The following UFSP2 variants were observed in gnomAD, a reference collection of about 807,000 sequenced individuals.
UFSP2 encodes ufm1-specific protease 2.
Under a neutral mutation model 60.2 loss-of-function variants are expected in UFSP2, and 43 were observed. The observed-to-expected ratio is 0.71, with a 90% CI of 0.56 to 0.92. The LOEUF (loss-of-function observed/expected upper bound fraction) is 0.92. Among genes scored for constraint, UFSP2 ranks in the 40% least tolerant of loss-of-function variants. UFSP2 has a pLI of 0.00. For synonymous variants in UFSP2, 183 were observed against 195.1 expected (o/e 0.94, Z 0.52); for missense variants, 520 against 575.0 (o/e 0.90, Z 0.98).
chr4:185,415,405 A>G, intron 5 of UFSP2, 58 bp from the exon 6 acceptor site: 1 of 1,397,964 alleles, frequency 7.2e-7, no homozygotes, highest in South Asian at 1.5e-5. Flanking sequence ...CAATAAAGAA[A>G]AGTACAGAGC....
At chr4:185,411,101 G>A (rs1254375265) in intron 7 of UFSP2, among the ~76,000 whole-genome samples, 1 of 147,922 alleles carries the variant, frequency 6.8e-6, no homozygotes, top group Non-Finnish European at 1.5e-5. Flanking sequence ...ATAATAGAGG[G>A]GGCCAACAAA....
chr4:185,422,113 T>C (rs935793233), intron 2 of UFSP2, among the ~76,000 whole-genome samples: 1 of 152,192 alleles, frequency 6.6e-6, no homozygotes, highest in Non-Finnish European at 1.5e-5. Flanking sequence ...CCATATAATG[T>C]AGTATTTAAG....
intron 9 of UFSP2, among the ~76,000 whole-genome samples, chr4:185,406,972 T>C (rs1561109786): frequency 1.3e-5 from 2 of 151,878 alleles, no homozygotes; most frequent in African/African-American, 4.8e-5. Context: ...ACGATGTTAC[T>C]GTAATTAACA....
chr4:185,418,613 A>G lies in UFSP2; in HGVS notation c.240T>C (p.Ala80=), dbSNP rs1436595510. ...TIPGELTDAS[A]CKNILRFIQF... The stretch of plus-strand genomic sequence containing the variant: ...GAATAAAGCGCAGTATGTTCTTACA[A>G]GCAGAAGCATCAGTCAGTTCTCCAG... The change falls in exon 3 of 12, where the codon GCT becomes GCC. Residue 80 remains alanine (A), a synonymous_variant. Transcript: ENST00000264689. 2 of 1,613,554 alleles carry G rather than the reference A, an allele frequency of 1.2e-6. No homozygotes were observed.
chr4:185,410,430 C>T (rs1158636043), intron 7 of UFSP2, among the ~76,000 whole-genome samples: 1 of 149,404 alleles, frequency 6.7e-6, no homozygotes, highest in African/African-American at 2.5e-5. Flanking sequence ...GGGTAGATCA[C>T]CTAAAGTCAG....
At position 185,410,723 on chromosome 4, in the gene UFSP2, G is replaced by C. The variant is rs1404037754; in HGVS notation, c.832-2288C>G. ...GCACTTTGGGAGGCTGAGGCAGGCA[G>C]ATCACGAGGTCAGGAGTTTGAGACC... On this transcript the variant is annotated intron_variant, in intron 7 of 11. Transcript: ENST00000264689. 2.0e-5 allele frequency among the ~76,000 whole-genome samples: 3 copies of C among 151,596 alleles called. No homozygotes were observed. The East Asian group carries it at 5.9e-4, about 30-fold the overall frequency.
intron 2 of UFSP2, among the ~76,000 whole-genome samples, chr4:185,419,181 G>C (rs1415039525): frequency 6.6e-6 from 1 of 151,870 alleles, no homozygotes; most frequent in African/African-American, 2.4e-5. Context: ...GCCCAGGCTG[G>C]AGTGCAGTGG....
chr4:185,418,920 T>A (rs935936813), intron 2 of UFSP2, 150 bp from the exon 3 acceptor site: 3 of 623,638 alleles, frequency 4.8e-6, no homozygotes, highest in Non-Finnish European at 7.7e-6. Context: ...CCTATCTTTT[T>A]AAAAAAGTCT....
intron 2 of UFSP2, 101 bp from the exon 3 acceptor site, chr4:185,418,871 C>T: frequency 5.7e-6 from 5 of 884,890 alleles, no homozygotes; most frequent in African/African-American, 1.7e-5. Flanking sequence ...ACTCTCAATA[C>T]CTATTCCCCA....
chr4:185,414,251 A>T (rs2095534470), intron 6 of UFSP2, among the ~76,000 whole-genome samples: 1 of 152,212 alleles, frequency 6.6e-6, no homozygotes, highest in Non-Finnish European at 1.5e-5. Flanking sequence ...ATTATATCAA[A>T]GTATTTTGCA....
chr4:185,415,213 A>G lies in UFSP2; in HGVS notation c.626T>C (p.Leu209Pro), dbSNP rs1266831486. ...LHFLLPGKKN[L>P]VTISYPSGIP... Reference sequence around the variant, plus strand: ...TCCTGAAGGATATGAAATTGTTACAAGATTTTTTTTCCCTGGTAATAAAAA... The same window carrying G: ...TCCTGAAGGATATGAAATTGTTACAGGATTTTTTTTCCCTGGTAATAAAAA... Residue 209 changes from leucine to proline, a missense_variant, in exon 6 of 12, where the codon CTT becomes CCT. Transcript: ENST00000264689. 1 of 1,607,600 alleles carries G rather than the reference A, an allele frequency of 6.2e-7. No homozygotes were observed. Among genetic ancestry groups the G allele is most frequent in the Non-Finnish European group, 8.5e-7 (1 of 1,178,780 alleles).
chr4:185,405,712 A>G, intron 10 of UFSP2, 68 bp downstream of exon 10: 3 of 1,510,898 alleles, frequency 2.0e-6, no homozygotes, highest in African/African-American at 2.8e-5. Context: ...GCAACATTAA[A>G]TATTTATATC....
At chr4:185,422,185 C>T (rs991193046) in intron 2 of UFSP2, among the ~76,000 whole-genome samples, 1 of 152,134 alleles carries the variant, frequency 6.6e-6, no homozygotes, top group Non-Finnish European at 1.5e-5. Flanking sequence ...GTACAATTCT[C>T]GACGCACATT....
At chr4:185,421,585 T>C (rs747142773) in intron 2 of UFSP2, among the ~76,000 whole-genome samples, 3 of 152,214 alleles carry the variant, frequency 2.0e-5, no homozygotes, top group Non-Finnish European at 4.4e-5. Context: ...TCCACCATGA[T>C]TGAAAGTTTC....
chr4:185,404,353 T>C (rs2095517572), intron 10 of UFSP2, among the ~76,000 whole-genome samples: 1 of 145,838 alleles, frequency 6.9e-6, no homozygotes, highest in Admixed American at 7.1e-5. Flanking sequence ...TGGAGTGCGA[T>C]AGCGTGACCT....
At position 185,399,688 on chromosome 4, in the gene UFSP2, C is replaced by A. The variant is rs760776370; in HGVS notation, c.*704G>T. The A allele has an allele frequency of 8.1e-6, 13 of 1,613,952 alleles. No homozygotes were observed. The African/African-American group carries it at 1.2e-4, about 15-fold the overall frequency. Reference sequence around the variant, plus strand: ...GCAGACAATAAAAGCAAGTGAACACCCTGACAGGAATGATTGTGTTGCCGT... The same window carrying A: ...GCAGACAATAAAAGCAAGTGAACACACTGACAGGAATGATTGTGTTGCCGT... On this transcript the variant is annotated 3_prime_UTR_variant, in exon 12 of 12. Transcript: ENST00000264689.
At chr4:185,415,595 G>A in intron 5 of UFSP2, 115 bp downstream of exon 5, 1 of 1,008,910 alleles carries the variant, frequency 9.9e-7, no homozygotes, top group Non-Finnish European at 1.4e-6. Flanking sequence ...TGGCTCTTAG[G>A]TTAATAATAA....
intron 1 of UFSP2, 130 bp downstream of exon 1, chr4:185,425,736 C>A: frequency 7.3e-7 from 1 of 1,378,014 alleles, no homozygotes; most frequent in Admixed American, 2.1e-5. Flanking sequence ...CCGCCCTGCC[C>A]ACGCAGCTCG....
chr4:185,399,750 T>A lies in UFSP2; in HGVS notation c.*642A>T, dbSNP rs896704354. The A allele has an allele frequency of 6.2e-7, 1 of 1,613,974 alleles. No individual in the cohort carries two copies. ...AACGGAGTCTCGGAAGTGTAGAAAATACCAGTGGGAAAAGGAAGTGCTGGT... is the reference window on the plus strand; with the variant it reads ...AACGGAGTCTCGGAAGTGTAGAAAAAACCAGTGGGAAAAGGAAGTGCTGGT... On this transcript the variant is annotated 3_prime_UTR_variant, in exon 12 of 12. Coordinates refer to ENST00000264689, the MANE Select transcript of UFSP2 (RefSeq NM_018359.5).
Sources: allele counts gnomAD v4.1 joint callset (sites outside exome capture counted in the v4.1 genomes callset), GRCh38; gene constraint gnomAD v4.1.1; transcripts MANE v1.5; gene names NCBI Gene and HGNC (gene_info 2026-07-23, HGNC 2026-07-21).